The following SLCO3A1 variants were observed in gnomAD, a reference collection of about 807,000 sequenced individuals.
SLCO3A1 encodes the protein solute carrier organic anion transporter family member 3A1, also known as PGE1 transporter.
Under a neutral mutation model 63.1 loss-of-function variants are expected in SLCO3A1, and 27 were observed. That is an observed-to-expected ratio of 0.43 (90% CI 0.32 to 0.59). SLCO3A1 has a LOEUF of 0.59. Among genes scored for constraint, SLCO3A1 ranks in the 20% least tolerant of loss-of-function variants. SLCO3A1 has a pLI of 0.09. For missense variants in SLCO3A1, 773 were observed against 945.8 expected, an observed-to-expected ratio of 0.82 and a Z score of 2.40; for synonymous variants, 473 against 409.9, an observed-to-expected ratio of 1.15 and a Z score of -1.86.
chr15:91,854,010 C>T lies in SLCO3A1; in HGVS notation c.102C>T (p.Ser34=), dbSNP rs1896846050. The T allele has an allele frequency of 2.6e-6, 4 of 1,545,954 alleles. No homozygotes were observed. Among genetic ancestry groups the T allele is most frequent in the African/African-American group, 1.4e-5 (1 of 70,384 alleles). The change falls in exon 1 of 10, where the codon TCC becomes TCT. Residue 34 remains serine, a synonymous_variant. Transcript: ENST00000318445. The surrounding 1 kb of genome is among the most constrained non-coding windows in gnomAD (Gnocchi z 6.4). ...QRNKKKKKKV[S]CFSNIKIFLV... is the part of the protein sequence containing the mutation. Reference sequence around the variant, plus strand: ...ACAAGAAAAAGAAAAAGAAGGTGTCCTGCTTTTCCAACATCAAGATCTTCC... The same window carrying T: ...ACAAGAAAAAGAAAAAGAAGGTGTCTTGCTTTTCCAACATCAAGATCTTCC...
Position 91,861,181 on chromosome 15 carries a change from C to T in SLCO3A1, c.180+7093C>T, listed in dbSNP as rs775130862. ...TCAGAAGACCTCAGAGCCCCAAAGC[C>T]GGGTCACTCTGATGACTTTGCCGAG... is the stretch of plus-strand genomic sequence containing the variant. On this transcript the variant is annotated intron_variant, in intron 1 of 9. Coordinates refer to ENST00000318445, the MANE Select transcript of SLCO3A1 (RefSeq NM_013272.4). 3.3e-5 allele frequency among the ~76,000 whole-genome samples: 5 copies of T among 152,210 alleles called. No homozygotes were observed. The East Asian group carries it at 5.8e-4, about 18-fold the overall frequency.
At chr15:92,119,565 G>A (rs1220264940) in intron 4 of SLCO3A1, among the ~76,000 whole-genome samples, 1 of 152,190 alleles carries the variant, frequency 6.6e-6, no homozygotes, top group South Asian at 2.1e-4. Context: ...GAGCATTCTT[G>A]TATAGGGAAG....
chr15:92,105,881 T>A (rs1303542806), intron 4 of SLCO3A1, among the ~76,000 whole-genome samples: 1 of 152,236 alleles, frequency 6.6e-6, no homozygotes, highest in Non-Finnish European at 1.5e-5. Context: ...GCAGTGAAAG[T>A]CTGTTTACTA....
intron 3 of SLCO3A1, among the ~76,000 whole-genome samples, chr15:92,101,598 A>C (rs114643900): frequency 0.015 from 2,244 of 152,244 alleles, 65 homozygotes; most frequent in African/African-American, 0.051. Context: ...TCTTCCCCAG[A>C]TCAAACTCAC....
chr15:92,001,045 C>G (rs1253650841), intron 2 of SLCO3A1, among the ~76,000 whole-genome samples: 1 of 152,152 alleles, frequency 6.6e-6, no homozygotes, highest in Non-Finnish European at 1.5e-5. Flanking sequence ...TGAGCATCTT[C>G]TAGCTACTCT....
At chr15:92,102,382 A>T (rs533538663) in intron 3 of SLCO3A1, among the ~76,000 whole-genome samples, 19 of 152,308 alleles carry the variant, frequency 1.2e-4, no homozygotes, top group African/African-American at 4.1e-4. Context: ...ATATATGTAC[A>T]TAAAAGTGAG....
chr15:92,148,014 T>C (rs2048252375), intron 8 of SLCO3A1, among the ~76,000 whole-genome samples: 1 of 152,132 alleles, frequency 6.6e-6, no homozygotes, highest in Non-Finnish European at 1.5e-5. Context: ...CCCAGGGGTT[T>C]GAGACCAGCC....
At chr15:91,936,607 A>G (rs1425968652) in intron 2 of SLCO3A1, among the ~76,000 whole-genome samples, 1 of 152,244 alleles carries the variant, frequency 6.6e-6, no homozygotes, top group African/African-American at 2.4e-5. Flanking sequence ...ATAGAAAAGA[A>G]TGCATGTCGT....
downstream of SLCO3A1, among the ~76,000 whole-genome samples, chr15:92,168,812 T>C (rs533507104): frequency 6.6e-6 from 1 of 152,356 alleles, no homozygotes; most frequent in East Asian, 1.9e-4. Context: ...TTCTCTTGTG[T>C]GACGTGGCGG....
exon 11 of SLCO3A1, chr15:92,172,179 CT>C (rs896096311): frequency 4.8e-5 from 12 of 248,384 alleles, no homozygotes; most frequent in African/African-American, 2.4e-4. Flanking sequence ...TGCCGACATG[CT>C]TTAGAAACTC....
chr15:91,926,567 G>GTGTGTGTGTGTGTA (rs1899021580), intron 2 of SLCO3A1, among the ~76,000 whole-genome samples: 1 of 91,594 alleles, frequency 1.1e-5, no homozygotes, highest in Admixed American at 9.7e-5. Context: ...CCGTGTGTGT[G>GTGTGTGTGTGTGTA]TGTGTGTGTG....
intron 2 of SLCO3A1, among the ~76,000 whole-genome samples, chr15:91,956,191 G>C (rs1310575544): frequency 6.6e-6 from 1 of 152,188 alleles, no homozygotes; most frequent in African/African-American, 2.4e-5. Context: ...ACTTCCTGCT[G>C]AGGCTGGTTG....
intron 2 of SLCO3A1, among the ~76,000 whole-genome samples, chr15:92,088,705 C>A (rs2047435090): frequency 6.6e-6 from 1 of 152,210 alleles, no homozygotes; most frequent in African/African-American, 2.4e-5. Flanking sequence ...CATCCACCAT[C>A]TTCAAAGCCA....
Position 91,865,106 on chromosome 15 carries a change from G to A in SLCO3A1, c.180+11018G>A, listed in dbSNP as rs946491935. On this transcript the variant is annotated intron_variant, in intron 1 of 9. Coordinates refer to ENST00000318445, the MANE Select transcript of SLCO3A1 (RefSeq NM_013272.4). This position sits in a 1 kb window ranked among gnomAD's most constrained non-coding sequence, Gnocchi z 4.6. ...TGGAGCTGAGCGTGGTCTCTTACAA[G>A]CCTTTCAGATCCAATTCCACCTTTC... Among the ~76,000 whole-genome samples, 1 of 152,232 alleles carries A rather than the reference G, an allele frequency of 6.6e-6. No individual in the cohort carries two copies. The highest frequency in any genetic ancestry group is 2.4e-5 in the African/African-American group (1 of 41,456).
Position 92,165,792 on chromosome 15 carries a change from C to CCAG in SLCO3A1, c.*2659_*2661dup. 4.1e-6 allele frequency: 4 copies of CCAG among 985,362 alleles called. No homozygotes were observed. Among genetic ancestry groups the CCAG allele is most frequent in the Non-Finnish European group, 4.8e-6 (4 of 829,892 alleles). The allele number at this position is 985,362 out of a possible 1,614,324, so 61.0% of individuals were successfully genotyped here. ...AAGCATTGTACATACAACACTAGAT[C>CCAG]CAGCCCCTCGATTATCTGTTTGGTT... On this transcript the variant is annotated 3_prime_UTR_variant, in exon 10 of 10. Coordinates refer to ENST00000318445, the MANE Select transcript of SLCO3A1 (RefSeq NM_013272.4).
chr15:91,878,085 CT>C (rs757889262), intron 1 of SLCO3A1, among the ~76,000 whole-genome samples: 3,352 of 119,828 alleles, frequency 0.028, 57 homozygotes, highest in African/African-American at 0.099. Flanking sequence ...GGATTTAGGC[CT>C]TTTTTTTTTT....
chr15:91,970,608 A>C (rs555478185), intron 2 of SLCO3A1, among the ~76,000 whole-genome samples: 1 of 152,308 alleles, frequency 6.6e-6, no homozygotes, highest in East Asian at 1.9e-4. Context: ...AAGGAGCCCT[A>C]ATGAAACAAC....
rs1898038262 is a variant in SLCO3A1 at position 91,897,554 on chromosome 15, A to G, written c.181-18439A>G. On this transcript the variant is annotated intron_variant, in intron 1 of 9. Transcript: ENST00000318445. This position sits in a 1 kb window ranked among gnomAD's most constrained non-coding sequence, Gnocchi z 4.7. ...TCTTTGGATCAAAATAAAAAACTCA[A>G]CAGGCTTCTTCTGATTTCTGACAGT... 6.6e-6 allele frequency among the ~76,000 whole-genome samples: 1 copy of G among 152,230 alleles called. No individual in the cohort carries two copies. Among genetic ancestry groups the G allele is most frequent in the Non-Finnish European group, 1.5e-5 (1 of 68,036 alleles).
chr15:91,857,009 C>A (rs935220842), intron 1 of SLCO3A1, among the ~76,000 whole-genome samples: 1 of 149,144 alleles, frequency 6.7e-6, no homozygotes, highest in Non-Finnish European at 1.5e-5. Flanking sequence ...ATTTAAGAAG[C>A]AACTTTGAGA....
Sources: allele counts gnomAD v4.1 joint callset (sites outside exome capture counted in the v4.1 genomes callset), GRCh38; gene constraint gnomAD v4.1.1; non-coding constraint Gnocchi (gnomAD v3.1); transcripts MANE v1.5; gene names NCBI Gene and HGNC (gene_info 2026-07-23, HGNC 2026-07-21).